Variants in HEMK2 observed in about 807,000 individuals in gnomAD.
HEMK2 encodes the protein methyltransferase HEMK2.
At chr21:28,851,435 C>G in the HEMK2 span, among the ~76,000 whole-genome samples, 1 of 152,142 alleles carries the variant, frequency 6.6e-6, no homozygotes, top group African/African-American at 2.4e-5. Flanking sequence ...GAGTAACACA[C>G]TTAAATGAGG....
chr21:28,603,423 A>G, the HEMK2 span, among the ~76,000 whole-genome samples: 1 of 152,176 alleles, frequency 6.6e-6, no homozygotes, highest in East Asian at 1.9e-4. Context: ...GCTTTCCAGG[A>G]GGCAGCCCAT....
the HEMK2 span, among the ~76,000 whole-genome samples, chr21:28,681,521 T>A: frequency 6.6e-6 from 1 of 152,096 alleles, no homozygotes; most frequent in Admixed American, 6.5e-5. Flanking sequence ...AAGCTACCAA[T>A]GACTTTCTTC....
At chr21:28,696,774 C>T in the HEMK2 span, among the ~76,000 whole-genome samples, 4 of 152,380 alleles carry the variant, frequency 2.6e-5, no homozygotes, top group South Asian at 4.1e-4. Flanking sequence ...AATTTCCATA[C>T]ATCCTCTGAA....
At chr21:28,734,344 T>G in the HEMK2 span, among the ~76,000 whole-genome samples, 5 of 152,180 alleles carry the variant, frequency 3.3e-5, no homozygotes, top group African/African-American at 1.2e-4. Flanking sequence ...TCATCTTTGT[T>G]TTTTATATCT....
At chr21:28,683,768 T>C in the HEMK2 span, among the ~76,000 whole-genome samples, 1 of 152,092 alleles carries the variant, frequency 6.6e-6, no homozygotes, top group Non-Finnish European at 1.5e-5. Flanking sequence ...CAATTTTAAA[T>C]AGTGAAAAAC....
the HEMK2 span, among the ~76,000 whole-genome samples, chr21:28,622,784 C>T: frequency 1.3e-5 from 2 of 152,018 alleles, no homozygotes; most frequent in Non-Finnish European, 2.9e-5. Context: ...CCATATGATG[C>T]AGAATACTGA....
At chr21:28,616,062 G>C in the HEMK2 span, among the ~76,000 whole-genome samples, 18,857 of 152,236 alleles carry the variant, frequency 0.12, 1,300 homozygotes, top group African/African-American at 0.16. Flanking sequence ...AGTACATGGG[G>C]TCTCCAGAGG....
At chr21:28,846,145 G>A in the HEMK2 span, among the ~76,000 whole-genome samples, 10 of 152,192 alleles carry the variant, frequency 6.6e-5, no homozygotes, top group African/African-American at 1.9e-4. Context: ...TTTTATGGCC[G>A]CACAGTATTC....
chr21:28,726,244 G>T, the HEMK2 span, among the ~76,000 whole-genome samples: 152,169 of 152,170 alleles, frequency 1, 76,084 homozygotes, highest in Middle Eastern at 1. Flanking sequence ...AGTTTTATTT[G>T]GGGAATTACC....
chr21:28,660,000 T>C, the HEMK2 span, among the ~76,000 whole-genome samples: 1 of 152,048 alleles, frequency 6.6e-6, no homozygotes, highest in African/African-American at 2.4e-5. Flanking sequence ...AATAATGTGT[T>C]GTAGTTTTCT....
chr21:28,694,522 A>C, the HEMK2 span, among the ~76,000 whole-genome samples: 5 of 152,152 alleles, frequency 3.3e-5, no homozygotes, highest in African/African-American at 1.2e-4. Flanking sequence ...AACCAGCCAT[A>C]ATCTGGTCCC....
At chr21:28,832,457 G>T in the HEMK2 span, among the ~76,000 whole-genome samples, 2 of 152,164 alleles carry the variant, frequency 1.3e-5, no homozygotes, top group Non-Finnish European at 2.9e-5. Context: ...CAAAAATGTT[G>T]AAATACTTTA....
chr21:28,667,954 T>G, the HEMK2 span, among the ~76,000 whole-genome samples: 1 of 152,304 alleles, frequency 6.6e-6, no homozygotes, highest in African/African-American at 2.4e-5. Context: ...TTGTTATTAC[T>G]GCTAATCAAC....
At chr21:28,610,784 C>T in the HEMK2 span, among the ~76,000 whole-genome samples, 1 of 152,098 alleles carries the variant, frequency 6.6e-6, no homozygotes, top group South Asian at 2.1e-4. Flanking sequence ...AAAGCAACAG[C>T]AGTTAAAAAA....
chr21:28,673,773 A>G, the HEMK2 span, among the ~76,000 whole-genome samples: 4 of 105,260 alleles, frequency 3.8e-5, no homozygotes, highest in East Asian at 1.4e-3. Context: ...ATATGAATAT[A>G]TGACTTGAAA....
the HEMK2 span, among the ~76,000 whole-genome samples, chr21:28,819,954 G>T: frequency 6.6e-6 from 1 of 151,968 alleles, no homozygotes; most frequent in Non-Finnish European, 1.5e-5. Flanking sequence ...AGTTCTTATT[G>T]TAAAAATGCC....
the HEMK2 span, among the ~76,000 whole-genome samples, chr21:28,676,762 T>C: frequency 1.3e-5 from 2 of 152,162 alleles, no homozygotes; most frequent in East Asian, 3.9e-4. Context: ...TTTCCCCCTT[T>C]TGCCCAATAA....
the HEMK2 span, among the ~76,000 whole-genome samples, chr21:28,774,783 A>C: frequency 1.1e-4 from 17 of 152,284 alleles, no homozygotes; most frequent in Non-Finnish European, 2.1e-4. Context: ...CGTAAGTATT[A>C]TTTCTTTTGA....
chr21:28,825,861 T>C, the HEMK2 span, among the ~76,000 whole-genome samples: 8 of 152,212 alleles, frequency 5.3e-5, no homozygotes, highest in Non-Finnish European at 1.0e-4. Flanking sequence ...GTCACCCTAA[T>C]TGTGCTCTTA....
Sources: gnomAD v4.1 joint callset for allele counts (sites outside exome capture counted in the v4.1 genomes callset) on GRCh38, gnomAD v4.1.1 for gene constraint, MANE v1.5 for transcripts, NCBI Gene and HGNC (gene_info 2026-07-23, HGNC 2026-07-21) for gene names.